The following PCDH11X variants were observed in gnomAD, a reference collection of about 807,000 sequenced individuals.
PCDH11X encodes the protein protocadherin 11 X-linked, also known as protocadherin-11 X-linked.
A neutral mutation model predicts 53.3 loss-of-function variants in PCDH11X; 18 were observed. The observed-to-expected ratio is 0.34, with a 90% CI of 0.23 to 0.50. The LOEUF is 0.50. Among genes scored for constraint, PCDH11X ranks in the 20% least tolerant of loss-of-function variants. The pLI, the probability that PCDH11X is intolerant of heterozygous loss-of-function variation, is 0.98. For missense variants in PCDH11X, 570 were observed against 1,032.4 expected (o/e 0.55, Z 6.14); for synonymous variants, 279 against 393.3 (o/e 0.71, Z 3.44).
At chrX:92,177,315 A>G (rs1183901550) in intron 6 of PCDH11X, among the ~76,000 whole-genome samples, 1 of 111,348 alleles carries the variant, frequency 9.0e-6, no homozygotes, top group African/African-American at 3.3e-5. Flanking sequence ...AGTTTGAGGC[A>G]TGGTGCTCTA....
intron 10 of PCDH11X, among the ~76,000 whole-genome samples, chrX:92,492,906 T>G (rs2073791933): frequency 9.0e-6 from 1 of 111,556 alleles, no homozygotes; most frequent in African/African-American, 3.3e-5. Context: ...TTTCTTAAAT[T>G]TATCTACCAC....
chrX:92,135,619 T>C (rs1197513887), intron 6 of PCDH11X, among the ~76,000 whole-genome samples: 4 of 110,921 alleles, frequency 3.6e-5, no homozygotes, highest in Non-Finnish European at 7.5e-5. Context: ...ATAAATATTA[T>C]TGTGAACACT....
chrX:92,153,129 G>A (rs768518779), intron 6 of PCDH11X, among the ~76,000 whole-genome samples: 22 of 110,355 alleles, frequency 2.0e-4, no homozygotes, highest in African/African-American at 6.3e-4. Context: ...AAATTGTTTT[G>A]AAAACAGGTT....
intron 6 of PCDH11X, among the ~76,000 whole-genome samples, chrX:92,135,809 T>C (rs1400907812): frequency 3.7e-5 from 4 of 109,024 alleles, no homozygotes; most frequent in African/African-American, 1.3e-4. Context: ...ATGAAGTCAA[T>C]TGGAGGATCT....
rs775528776 is a variant in PCDH11X, at chrX:91,962,871, A to G, written c.3033+83598A>G. On this transcript the variant is annotated intron_variant, in intron 6 of 10. Coordinates refer to ENST00000682573, the MANE Select transcript of PCDH11X (RefSeq NM_032968.5). ...TAAGCTGCCAACCCTTGGGGCTTGC[A>G]TCCTCCAAAGTAACAGCCTGAGCTA... is the stretch of plus-strand genomic sequence containing the variant. Among the ~76,000 whole-genome samples the G allele has an allele frequency of 8.1e-5, 9 of 111,750 alleles. No homozygotes were observed. In the South Asian group the frequency reaches 2.7e-3, roughly 33 times the overall value.
At chrX:92,573,417 C>T (rs191943711) in intron 10 of PCDH11X, among the ~76,000 whole-genome samples, 5 of 110,993 alleles carry the variant, frequency 4.5e-5, no homozygotes, top group Non-Finnish European at 7.6e-5. Context: ...ATAAGGTCAA[C>T]TAAAAACTGA....
At chrX:92,342,143 T>G (rs2069777474) in intron 8 of PCDH11X, among the ~76,000 whole-genome samples, 1 of 111,793 alleles carries the variant, frequency 8.9e-6, no homozygotes, top group Non-Finnish European at 1.9e-5. Context: ...TAAAATATCA[T>G]CTCACAAGAG....
At chrX:91,943,664 T>TC (rs1027430822) in intron 6 of PCDH11X, among the ~76,000 whole-genome samples, 10 of 98,829 alleles carry the variant, frequency 1.0e-4, no homozygotes, top group African/African-American at 3.7e-4. Flanking sequence ...CAGAATGCTT[T>TC]CCCCCTGAAT....
rs1450329527 is a variant in PCDH11X, at chrX:92,329,625, C to T, written c.3145-58110C>T. 2.7e-5 allele frequency among the ~76,000 whole-genome samples: 3 copies of T among 111,426 alleles called. No homozygotes were observed. The East Asian group carries it at 8.5e-4, about 32-fold the overall frequency. ...ATGAAGAAAATGTGGCACATATATA[C>T]AATGGAGTACTATTTAGCCAGAAAA... On this transcript the variant is annotated intron_variant, in intron 8 of 10. Transcript: ENST00000682573.
intron 10 of PCDH11X, among the ~76,000 whole-genome samples, chrX:92,505,112 G>A (rs2074026836): frequency 1.2e-5 from 1 of 86,825 alleles, no homozygotes; most frequent in African/African-American, 4.4e-5. Flanking sequence ...CATGTTGTCT[G>A]TTTATTTTGT....
intron 6 of PCDH11X, chrX:91,882,946 A>G: frequency 1.7e-6 from 2 of 1,183,492 alleles, no homozygotes; most frequent in Non-Finnish European, 2.3e-6. Flanking sequence ...CTGCAGTGAG[A>G]TATAACTTTC....
chrX:91,886,970 C>CA lies in PCDH11X; in HGVS notation c.3033+7713dup, dbSNP rs1179014012. 6.3e-3 allele frequency among the ~76,000 whole-genome samples: 317 copies of CA among 50,520 alleles called. 1 individual carries two copies. The highest frequency in any genetic ancestry group is 0.015 in the African/African-American group (145 of 9,513). The allele number at this position is 50,520 out of a possible 115,157, so 43.9% of individuals were successfully genotyped here. A position where few individuals can be genotyped will look rare whatever the true frequency, so the allele number is the denominator to read the frequency against. ...TGGGCGACAGAGCTAGACTCCATCTCAAAAAAAAAAAAAAAAGAAAAGAAA... is the reference window on the plus strand; with the variant it reads ...TGGGCGACAGAGCTAGACTCCATCTCAAAAAAAAAAAAAAAAAGAAAAGAAA... On this transcript the variant is annotated intron_variant, in intron 6 of 10. Coordinates refer to ENST00000682573, the MANE Select transcript of PCDH11X (RefSeq NM_032968.5).
intron 8 of PCDH11X, among the ~76,000 whole-genome samples, chrX:92,320,741 A>G (rs956314276): frequency 1.2e-4 from 13 of 111,580 alleles, no homozygotes; most frequent in African/African-American, 3.9e-4. Context: ...TAAGGGGTCC[A>G]TCCTGCAGGC....
chrX:92,174,746 T>G (rs746792482), intron 6 of PCDH11X, among the ~76,000 whole-genome samples: 2 of 111,781 alleles, frequency 1.8e-5, no homozygotes, highest in African/African-American at 3.2e-5. Flanking sequence ...TGAGGTCTCT[T>G]GACTACAGAT....
In PCDH11X at chrX:92,030,296, C is replaced by T. The variant is rs767304793; in HGVS notation, c.3033+151023C>T. ...TCTAAATAGTAACTGAGTGGTTTTA[C>T]AATATTATAATATTTTCTGGTTGGG... On this transcript the variant is annotated intron_variant, in intron 6 of 10. Coordinates refer to ENST00000682573, the MANE Select transcript of PCDH11X (RefSeq NM_032968.5). Among the ~76,000 whole-genome samples, 6 of 110,435 alleles carry T rather than the reference C, an allele frequency of 5.4e-5. No homozygotes were observed. The South Asian group carries it at 2.3e-3, about 43-fold the overall frequency.
At chrX:92,045,833 G>A (rs984448729) in intron 6 of PCDH11X, among the ~76,000 whole-genome samples, 1 of 108,932 alleles carries the variant, frequency 9.2e-6, no homozygotes, top group African/African-American at 3.4e-5. Context: ...CCAGCTACTG[G>A]GGGGCTGAGG....
At position 92,404,417 on chromosome X, in the gene PCDH11X, TTC is replaced by T. The variant is rs760443559; in HGVS notation, c.3343+16486_3343+16487del. On this transcript the variant is annotated intron_variant, in intron 9 of 10. Transcript: ENST00000682573. ...TAATAAAAGAATGAATACATTTTCA[TTC>T]TATCCTCGTTTATATTCAAATAATC... Among the ~76,000 whole-genome samples, 11 of 110,669 alleles carry T rather than the reference TTC, an allele frequency of 9.9e-5. No homozygotes were observed. The East Asian group carries it at 2.9e-3, about 29-fold the overall frequency.
At chrX:92,424,486 G>T (rs918484682) in intron 9 of PCDH11X, among the ~76,000 whole-genome samples, 73 of 96,058 alleles carry the variant, frequency 7.6e-4, no homozygotes, top group African/African-American at 2.3e-3. Flanking sequence ...TCTCTGGCTC[G>T]TGCAGTTCGT....
At chrX:92,378,223 T>C (rs1344511374) in intron 8 of PCDH11X, among the ~76,000 whole-genome samples, 3 of 106,533 alleles carry the variant, frequency 2.8e-5, no homozygotes, top group Non-Finnish European at 5.8e-5. Flanking sequence ...TTTGAGAGTT[T>C]TTATTTCATA....
Sources: allele counts gnomAD v4.1 joint callset (sites outside exome capture counted in the v4.1 genomes callset), GRCh38; gene constraint gnomAD v4.1.1; transcripts MANE v1.5; gene names NCBI Gene and HGNC (gene_info 2026-07-23, HGNC 2026-07-21).